Variants in POMT1 observed in about 807,000 individuals in gnomAD.
POMT1 encodes the protein protein O-mannosyl-transferase 1.
POMT1 carries 85 observed loss-of-function variants against 101.6 expected under a neutral mutation model. The observed-to-expected ratio is 0.84, with a 90% CI of 0.70 to 1.00. The LOEUF (loss-of-function observed/expected upper bound fraction) is 1.00. Among genes scored for constraint, POMT1 ranks in the 50% least tolerant of loss-of-function variants. POMT1 has a pLI of 0.00. For synonymous variants in POMT1, 371 were observed against 383.0 expected (o/e 0.97, Z 0.37); for missense variants, 857 against 930.4 (o/e 0.92, Z 1.03).
At chr9:131,505,984 C>T in intron 2 of POMT1, 130 bp from the exon 3 acceptor site, 2 of 1,279,268 alleles carry the variant, frequency 1.6e-6, no homozygotes, top group Non-Finnish European at 2.2e-6. Flanking sequence ...ACAATTGGGG[C>T]AAAAGATCCA....
At chr9:131,513,354 C>T in intron 12 of POMT1, 23 bp downstream of exon 12, 1 of 1,597,808 alleles carries the variant, frequency 6.3e-7, no homozygotes, top group Non-Finnish European at 8.5e-7. Flanking sequence ...GCCGTCTGCT[C>T]TGCTGCACCT....
At position 131,515,471 on chromosome 9, in the gene POMT1, C is replaced by T. The variant is rs1172989588; in HGVS notation, c.1221C>T (p.Ser407=). ...TGAGCCCCCATTCACAGGAGGTCTC[C>T]TGCTACATTGACTATAACATCTCCA... ...APLSPHSQEV[S]CYIDYNISMP... is the part of the protein sequence containing the mutation. Residue 407 remains serine (S), a synonymous_variant, in exon 13 of 20, where the codon TCC becomes TCT. Transcript: ENST00000402686. 4 of 1,614,240 alleles carry T rather than the reference C, an allele frequency of 2.5e-6. No individual in the cohort carries two copies. The Admixed American group carries it at 5.0e-5, about 20-fold the overall frequency.
intron 4 of POMT1, 67 bp from the exon 5 acceptor site, chr9:131,507,301 T>C (rs1016423827): frequency 1.2e-6 from 2 of 1,610,116 alleles, no homozygotes; most frequent in African/African-American, 2.7e-5. Flanking sequence ...TGTGAAAGCA[T>C]AGCTGCAGTA....
chr9:131,509,331 A>G (rs901717708), intron 6 of POMT1, among the ~76,000 whole-genome samples: 6 of 152,048 alleles, frequency 3.9e-5, no homozygotes, highest in African/African-American at 1.4e-4. Flanking sequence ...TAGTATTTTT[A>G]GTGGAGACGG....
chr9:131,506,508 T>C (rs571166976), intron 4 of POMT1, 55 bp downstream of exon 4: 14 of 1,516,594 alleles, frequency 9.2e-6, no homozygotes, highest in Non-Finnish European at 1.1e-5. Context: ...ATGAAGAGAT[T>C]GTGACTTTTG....
intron 2 of POMT1, 87 bp from the exon 3 acceptor site, chr9:131,506,027 G>A (rs1945728375): frequency 1.3e-6 from 2 of 1,567,230 alleles, no homozygotes; most frequent in Non-Finnish European, 1.7e-6. Flanking sequence ...AAGTCATTTG[G>A]AAACACATAC....
Position 131,518,222 on chromosome 9 carries a change from C to G in POMT1, c.1273-223C>G, listed in dbSNP as rs894313966. 1.1e-5 allele frequency: 7 copies of G among 645,114 alleles called. No individual in the cohort carries two copies. In the African/African-American group the frequency reaches 1.3e-4, roughly 12 times the overall value. The allele number at this position is 645,114 out of a possible 1,614,324, so 40.0% of individuals were successfully genotyped here. A position where few individuals can be genotyped will look rare whatever the true frequency, so the allele number is the denominator to read the frequency against. ...GAGGAGGCCTCTTGTACGGCCTTGG[C>G]GAGGAGGAGGGTGCACTTCCCCAGC... On this transcript the variant is annotated intron_variant, in intron 13 of 19. Coordinates refer to ENST00000402686, the MANE Select transcript of POMT1 (RefSeq NM_001077365.2).
chr9:131,510,768 A>G (rs541149291), intron 9 of POMT1: 1 of 365,740 alleles, frequency 2.7e-6, no homozygotes, highest in Non-Finnish European at 5.3e-6. Flanking sequence ...GGCCTCTCAA[A>G]GTGCTGGGAT....
Position 131,519,626 on chromosome 9 carries a change from C to G in POMT1, c.1584+140C>G. ...AGGCTCACAACAGAATGAGTGTCTC[C>G]TCTCTCCAGTGTAAGGGACTGTGTG... On this transcript the variant is annotated intron_variant, in intron 16 of 19. Coordinates refer to ENST00000402686, the MANE Select transcript of POMT1 (RefSeq NM_001077365.2). This position sits in a 1 kb window ranked among gnomAD's most constrained non-coding sequence, Gnocchi z 4.3. 4 of 846,910 alleles carry G rather than the reference C, an allele frequency of 4.7e-6. No homozygotes were observed. In the South Asian group the frequency reaches 5.8e-5, roughly 12 times the overall value. 52.5% of individuals were successfully genotyped at this position (846,910 alleles called of 1,614,324 possible).
At chr9:131,506,673 C>T (rs530329040) in intron 4 of POMT1, 48 of 585,542 alleles carry the variant, frequency 8.2e-5, no homozygotes, top group Admixed American at 1.2e-4. Context: ...CAGTTGCAGT[C>T]ATTATTTCAG....
At chr9:131,517,659 A>G (rs1268897854) in intron 13 of POMT1, among the ~76,000 whole-genome samples, 1 of 151,954 alleles carries the variant, frequency 6.6e-6, no homozygotes, top group Non-Finnish European at 1.5e-5. Flanking sequence ...TGCGTTCTGC[A>G]TTTCCATCCC....
chr9:131,509,721 A>C (rs537480047), intron 6 of POMT1, 22 bp from the exon 7 acceptor site: 1 of 1,614,108 alleles, frequency 6.2e-7, no homozygotes, highest in East Asian at 2.2e-5. Context: ...TTCTGTCTCC[A>C]TCTGCTTTGT....
intron 13 of POMT1, among the ~76,000 whole-genome samples, chr9:131,517,825 C>T (rs556611947): frequency 9.2e-5 from 14 of 152,360 alleles, no homozygotes; most frequent in South Asian, 4.1e-4. Context: ...GTGAGGTGTG[C>T]GCGCCCGGCC....
At position 131,510,082 on chromosome 9, in the gene POMT1, C is replaced by T. The variant is rs775951652; in HGVS notation, c.699+86C>T. 6.6e-5 allele frequency: 107 copies of T among 1,613,878 alleles called. No individual in the cohort carries two copies. In the Admixed American group the frequency reaches 1.6e-3, roughly 24 times the overall value. On this transcript the variant is annotated intron_variant, in intron 8 of 19. Transcript: ENST00000402686. ...CAGGGGGTACTTGGTGAAAAGACTC[C>T]AATCCTCAATGTTTTAGAAGCAGGC...
chr9:131,509,076 T>C, intron 6 of POMT1, 54 bp downstream of exon 6: 1 of 1,330,420 alleles, frequency 7.5e-7, no homozygotes, highest in South Asian at 1.2e-5. Context: ...TCTGGGTGGT[T>C]TGTTGATCTG....
intron 2 of POMT1, 113 bp from the exon 3 acceptor site, chr9:131,505,996 CCTTTG>C: frequency 7.3e-7 from 1 of 1,375,150 alleles, no homozygotes; most frequent in Non-Finnish European, 1.0e-6. Context: ...AAAGATCCAG[CCTTTG>C]CTGATCACTC....
intron 11 of POMT1, among the ~76,000 whole-genome samples, chr9:131,513,017 G>A (rs1397385992): frequency 6.6e-6 from 1 of 152,248 alleles, no homozygotes; most frequent in Non-Finnish European, 1.5e-5. Context: ...CAATGCAGGT[G>A]TGATGACCGC....
At chr9:131,508,866 TC>T in intron 5 of POMT1, 44 bp from the exon 6 acceptor site, 1 of 1,380,462 alleles carries the variant, frequency 7.2e-7, no homozygotes, top group Non-Finnish European at 1.0e-6. Flanking sequence ...TCATACGTTT[TC>T]CCTTGCTACC....
chr9:131,506,806 C>T (rs562908010), intron 4 of POMT1: 6 of 355,676 alleles, frequency 1.7e-5, no homozygotes, highest in East Asian at 7.0e-5. Flanking sequence ...CGCTGGCTCA[C>T]GCCTGTAATC....
Sources: allele counts gnomAD v4.1 joint callset (sites outside exome capture counted in the v4.1 genomes callset), GRCh38; gene constraint gnomAD v4.1.1; non-coding constraint Gnocchi (gnomAD v3.1); transcripts MANE v1.5; gene names NCBI Gene and HGNC (gene_info 2026-07-23, HGNC 2026-07-21).